Variants in TMEM86A observed in about 807,000 individuals in gnomAD.
TMEM86A encodes lysoplasmalogenase TMEM86A.
TMEM86A carries 13 observed loss-of-function variants against 19.8 expected under a neutral mutation model. The ratio of observed to expected loss-of-function variants is 0.66; its 90% CI spans 0.43 to 1.04. The LOEUF is 1.04. Ranked by LOEUF, TMEM86A falls within the 50% of genes least tolerant of loss-of-function variation. The pLI is 0.00. For synonymous variants in TMEM86A, 128 were observed against 129.9 expected (o/e 0.99, Z 0.10); for missense variants, 248 against 306.8 (o/e 0.81, Z 1.43).
rs1372067865 is a variant in TMEM86A, at chr11:18,703,329, G to A, written c.*1320G>A. 1 of 152,330 alleles carries A rather than the reference G, an allele frequency of 6.6e-6. No individual in the cohort carries two copies. Among genetic ancestry groups the A allele is most frequent in the Non-Finnish European group, 1.5e-5 (1 of 68,134 alleles). The allele number at this position is 152,330 out of a possible 1,614,324, so 9.4% of individuals were successfully genotyped here. ...GAGGATGTGGTTTAGGAGGATGGGG[G>A]ATGAGTGGTATTTGCCACTGTCCAA... On this transcript the variant is annotated 3_prime_UTR_variant, in exon 3 of 3. Transcript: ENST00000280734.
rs1564863526 is a variant in TMEM86A at position 18,701,546 on chromosome 11, A to T, written c.287-27A>T. On this transcript the variant is annotated intron_variant, in intron 2 of 2. Transcript: ENST00000280734. This position sits in a 1 kb window ranked among gnomAD's most constrained non-coding sequence, Gnocchi z 5.3. Reference sequence around the variant, plus strand: ...CTCATTCTTCATCAAGCTTGCCCTCAGCTGCCTTTGCCCCTCTTACCCCCA... The same window carrying T: ...CTCATTCTTCATCAAGCTTGCCCTCTGCTGCCTTTGCCCCTCTTACCCCCA... 1 of 1,530,798 alleles carries T rather than the reference A, an allele frequency of 6.5e-7. No individual in the cohort carries two copies. Among genetic ancestry groups the T allele is most frequent in the Admixed American group, 2.1e-5 (1 of 47,552 alleles). 94.8% of individuals were successfully genotyped at this position (1,530,798 alleles called of 1,614,324 possible). A position where few individuals can be genotyped will look rare whatever the true frequency, so the allele number is the denominator to read the frequency against.
rs1018874160 is a variant in TMEM86A, at chr11:18,698,832, GCGCGTCCTGGC to G, written c.-51_-41del. 1 of 663,322 alleles carries G rather than the reference GCGCGTCCTGGC, an allele frequency of 1.5e-6. No homozygotes were observed. The highest frequency in any genetic ancestry group is 1.9e-5 in the African/African-American group (1 of 53,800). The allele number at this position is 663,322 out of a possible 1,614,324, so 41.1% of individuals were successfully genotyped here. A position where few individuals can be genotyped will look rare whatever the true frequency, so the allele number is the denominator to read the frequency against. ...TCGTCGCCGGCTTACCTGGCCGTGG[GCGCGTCCTGGC>G]CGCTGCAGCCCGGAGCAGGGTGCCA... On this transcript the variant is annotated 5_prime_UTR_variant, in exon 1 of 3. Coordinates refer to ENST00000280734, the MANE Select transcript of TMEM86A (RefSeq NM_153347.3).
At position 18,701,295 on chromosome 11, in the gene TMEM86A, C is replaced by A; in HGVS notation, c.286+98C>A. 1.3e-6 allele frequency: 2 copies of A among 1,495,606 alleles called. No homozygotes were observed. The highest frequency in any genetic ancestry group is 1.8e-6 in the Non-Finnish European group (2 of 1,110,020). 92.6% of individuals were successfully genotyped at this position (1,495,606 alleles called of 1,614,324 possible). On this transcript the variant is annotated intron_variant, in intron 2 of 2. Transcript: ENST00000280734. This position sits in a 1 kb window ranked among gnomAD's most constrained non-coding sequence, Gnocchi z 5.3. ...GATTTGGAAGAGGGAGTTCTTGAACCAGAGTGTGGGGAGCCTGAGGGTTTC... is the reference window on the plus strand; with the variant it reads ...GATTTGGAAGAGGGAGTTCTTGAACAAGAGTGTGGGGAGCCTGAGGGTTTC...
Position 18,699,315 on chromosome 11 carries a change from G to T in TMEM86A, c.21+408G>T, listed in dbSNP as rs1019580336. ...ATAACAGGGACCTCCTGGGAATGCC[G>T]TCCCAAGTTTGTTTCCTAACCTTCC... On this transcript the variant is annotated intron_variant, in intron 1 of 2. Transcript: ENST00000280734. This position sits in a 1 kb window ranked among gnomAD's most constrained non-coding sequence, Gnocchi z 4.0. Among the ~76,000 whole-genome samples, 2 of 152,222 alleles carry T rather than the reference G, an allele frequency of 1.3e-5. No homozygotes were observed. The highest frequency in any genetic ancestry group is 2.9e-5 in the Non-Finnish European group (2 of 68,032).
intron 1 of TMEM86A, 58 bp downstream of exon 1, chr11:18,698,965 C>T (rs907140225): frequency 4.1e-6 from 2 of 492,150 alleles, no homozygotes; most frequent in South Asian, 6.3e-5. Flanking sequence ...CCGGCCTGGC[C>T]ACCGGACTTC....
Position 18,701,565 on chromosome 11 carries a change from AC to A in TMEM86A, c.287-3del, listed in dbSNP as rs778774495. 2.0e-6 allele frequency: 3 copies of A among 1,537,584 alleles called. No homozygotes were observed. Among genetic ancestry groups the A allele is most frequent in the Non-Finnish European group, 2.6e-6 (3 of 1,142,556 alleles). ...GCCCTCAGCTGCCTTTGCCCCTCTT[AC>A]CCCCAGGTCTGCTGATGTTTGCTGT... On this transcript the variant is annotated splice_polypyrimidine_tract_variant and splice_region_variant and intron_variant, in intron 2 of 2. Coordinates refer to ENST00000280734, the MANE Select transcript of TMEM86A (RefSeq NM_153347.3). This position sits in a 1 kb window ranked among gnomAD's most constrained non-coding sequence, Gnocchi z 5.3.
chr11:18,699,072 C>A lies in TMEM86A; in HGVS notation c.21+165C>A, dbSNP rs1848127533. Reference sequence around the variant, plus strand: ...GCGGGCGCTGTCACCGCCCCCCGCTCCTCAGACTCGCGGCGCCCCTCCTCG... The same window carrying A: ...GCGGGCGCTGTCACCGCCCCCCGCTACTCAGACTCGCGGCGCCCCTCCTCG... On this transcript the variant is annotated intron_variant, in intron 1 of 2. Transcript: ENST00000280734. This position sits in a 1 kb window ranked among gnomAD's most constrained non-coding sequence, Gnocchi z 4.0. Among the ~76,000 whole-genome samples the A allele has an allele frequency of 6.6e-6, 1 of 151,956 alleles. No homozygotes were observed. The highest frequency in any genetic ancestry group is 2.4e-5 in the African/African-American group (1 of 41,414).
chr11:18,701,932 G>A lies in TMEM86A; in HGVS notation c.646G>A (p.Ala216Thr). The change falls in exon 3 of 3, where the codon GCC (alanine) becomes ACC (threonine). Residue 216 changes from alanine to threonine, a missense_variant. Transcript: ENST00000280734. The surrounding 1 kb of genome is among the most constrained non-coding windows in gnomAD (Gnocchi z 5.3). ...GCTTATCATGTCCACCTACTATGTG[G>A]CCCAGATGCTCGTCGCCTTGTCAGC... is the stretch of plus-strand genomic sequence containing the variant. Reference protein sequence around the residue: ...RALIMSTYYVAQMLVALSAVE... With the variant: ...RALIMSTYYVTQMLVALSAVE... 1 of 1,613,722 alleles carries A rather than the reference G, an allele frequency of 6.2e-7. No homozygotes were observed. Among genetic ancestry groups the A allele is most frequent in the Non-Finnish European group, 8.5e-7 (1 of 1,180,048 alleles).
At position 18,698,810 on chromosome 11, in the gene TMEM86A, T is replaced by C. The variant is rs1848124341; in HGVS notation, c.-77T>C. 11 of 652,576 alleles carry C rather than the reference T, an allele frequency of 1.7e-5. No individual in the cohort carries two copies. In the South Asian group the frequency reaches 1.7e-4, roughly 10 times the overall value. 40.4% of individuals were successfully genotyped at this position (652,576 alleles called of 1,614,324 possible). On this transcript the variant is annotated 5_prime_UTR_variant, in exon 1 of 3. Coordinates refer to ENST00000280734, the MANE Select transcript of TMEM86A (RefSeq NM_153347.3). ...CGTCCCTCCGGGCTTTGTAGAATCGTCGCCGGCTTACCTGGCCGTGGGCGC... is the reference window on the plus strand; with the variant it reads ...CGTCCCTCCGGGCTTTGTAGAATCGCCGCCGGCTTACCTGGCCGTGGGCGC...
rs971858847 is a variant in TMEM86A at position 18,704,759 on chromosome 11, G to T, written c.*2750G>T. ...TGTACTGTCTCATTTAAGCCTCATA[G>T]TCCTATAAAGAAGATGAGAAAACAG... On this transcript the variant is annotated 3_prime_UTR_variant, in exon 3 of 3. Coordinates refer to ENST00000280734, the MANE Select transcript of TMEM86A (RefSeq NM_153347.3). The T allele has an allele frequency of 1.9e-6, 1 of 516,446 alleles. No individual in the cohort carries two copies. Among genetic ancestry groups the T allele is most frequent in the Non-Finnish European group, 3.5e-6 (1 of 285,324 alleles). The allele number at this position is 516,446 out of a possible 1,614,324, so 32.0% of individuals were successfully genotyped here.
At position 18,702,002 on chromosome 11, in the gene TMEM86A, C is replaced by T. The variant is rs1475687590; in HGVS notation, c.716C>T (p.Ala239Val). The change falls in exon 3 of 3, where the codon GCC (alanine) becomes GTC (valine). Residue 239 changes from alanine (A) to valine (V), a missense_variant. Coordinates refer to ENST00000280734, the MANE Select transcript of TMEM86A (RefSeq NM_153347.3). ...EPVEHYRLTK[A>V]N ...GTGGAACACTACAGACTGACCAAGG[C>T]CAACTGAGGTGCCAGGGTCTGGTCA... 8.1e-6 allele frequency: 13 copies of T among 1,604,760 alleles called. No individual in the cohort carries two copies. The South Asian group carries it at 1.4e-4, about 18-fold the overall frequency.
In TMEM86A at chr11:18,698,923, A is replaced by G; in HGVS notation, c.21+16A>G. 3.1e-6 allele frequency: 2 copies of G among 638,914 alleles called. No individual in the cohort carries two copies. Among genetic ancestry groups the G allele is most frequent in the Non-Finnish European group, 2.8e-6 (1 of 357,210 alleles). The allele number at this position is 638,914 out of a possible 1,614,324, so 39.6% of individuals were successfully genotyped here. On this transcript the variant is annotated intron_variant, in intron 1 of 2. Coordinates refer to ENST00000280734, the MANE Select transcript of TMEM86A (RefSeq NM_153347.3). ...GGTCACTGTGGTGAGTGAGCGAGCG[A>G]GCGAGCCAGTGCCCGGCGCGGCTGG...
Position 18,699,029 on chromosome 11 carries a change from G to T in TMEM86A, c.21+122G>T, listed in dbSNP as rs1012114863. 5 of 374,596 alleles carry T rather than the reference G, an allele frequency of 1.3e-5. No individual in the cohort carries two copies. In the Admixed American group the frequency reaches 2.3e-4, roughly 17 times the overall value. The allele number at this position is 374,596 out of a possible 1,614,324, so 23.2% of individuals were successfully genotyped here. ...GCGGGGCGGGGGTCCCGTGGCGGCC[G>T]GAGTCCCGCGGCGGGAGGCGGGCGC... On this transcript the variant is annotated intron_variant, in intron 1 of 2. Transcript: ENST00000280734. This position sits in a 1 kb window ranked among gnomAD's most constrained non-coding sequence, Gnocchi z 4.0.
intron 1 of TMEM86A, 40 bp from the exon 2 acceptor site, chr11:18,700,893 C>T: frequency 6.2e-7 from 1 of 1,603,488 alleles, no homozygotes. Flanking sequence ...GGCTTTCAAC[C>T]CCCAAGTTCT....
chr11:18,702,181 C>G lies in TMEM86A; in HGVS notation c.*172C>G, dbSNP rs1038044118. 3.0e-6 allele frequency: 2 copies of G among 670,494 alleles called. No homozygotes were observed. Among genetic ancestry groups the G allele is most frequent in the African/African-American group, 3.6e-5 (2 of 55,180 alleles). 41.5% of individuals were successfully genotyped at this position (670,494 alleles called of 1,614,324 possible). On this transcript the variant is annotated 3_prime_UTR_variant, in exon 3 of 3. Transcript: ENST00000280734. ...GGAAAAGGATCTCCCTAGCAGAACT[C>G]GTGGTTCAGGACAATGCTGAGAGCT...
Position 18,702,078 on chromosome 11 carries a change from C to G in TMEM86A, c.*69C>G. The G allele has an allele frequency of 6.5e-7, 1 of 1,534,900 alleles. No homozygotes were observed. The highest frequency in any genetic ancestry group is 8.8e-7 in the Non-Finnish European group (1 of 1,131,464). ...CCCAGATCCTGGGGACCTGCAGGAG[C>G]TGGATCAGGATGGCTGCAGTGCCAG... On this transcript the variant is annotated 3_prime_UTR_variant, in exon 3 of 3. Coordinates refer to ENST00000280734, the MANE Select transcript of TMEM86A (RefSeq NM_153347.3).
rs1848147377 is a variant in TMEM86A, at chr11:18,701,335, G to A, written c.286+138G>A. On this transcript the variant is annotated intron_variant, in intron 2 of 2. Coordinates refer to ENST00000280734, the MANE Select transcript of TMEM86A (RefSeq NM_153347.3). This position sits in a 1 kb window ranked among gnomAD's most constrained non-coding sequence, Gnocchi z 5.3. Reference sequence around the variant, plus strand: ...CTGAGGGTTTCTGAGGCCAGGGACTGTGAGGGTCCTTGTTAGGGGATGACC... The same window carrying A: ...CTGAGGGTTTCTGAGGCCAGGGACTATGAGGGTCCTTGTTAGGGGATGACC... 2.4e-6 allele frequency: 3 copies of A among 1,250,956 alleles called. No homozygotes were observed. The South Asian group carries it at 4.4e-5, about 18-fold the overall frequency. 77.5% of individuals were successfully genotyped at this position (1,250,956 alleles called of 1,614,324 possible).
At chr11:18,700,502 G>A (rs1848140222) in intron 1 of TMEM86A, 2 of 186,322 alleles carry the variant, frequency 1.1e-5, no homozygotes, top group Admixed American at 1.1e-4. Context: ...ACCTGGTGTT[G>A]CCAGGGCCCT....
chr11:18,699,762 G>A lies in TMEM86A; in HGVS notation c.21+855G>A, dbSNP rs1014801419. Reference sequence around the variant, plus strand: ...AGAACAAGGAAAGGCTTGGACCCTGGAACCACCCATCCGCCTCTTCCCAAT... The same window carrying A: ...AGAACAAGGAAAGGCTTGGACCCTGAAACCACCCATCCGCCTCTTCCCAAT... On this transcript the variant is annotated intron_variant, in intron 1 of 2. Transcript: ENST00000280734. The surrounding 1 kb of genome is among the most constrained non-coding windows in gnomAD (Gnocchi z 4.0). The A allele has an allele frequency of 6.6e-6, 1 of 152,460 alleles. No homozygotes were observed. Among genetic ancestry groups the A allele is most frequent in the African/African-American group, 2.4e-5 (1 of 41,446 alleles). The allele number at this position is 152,460 out of a possible 1,614,324, so 9.4% of individuals were successfully genotyped here.
Sources: allele counts gnomAD v4.1 joint callset (sites outside exome capture counted in the v4.1 genomes callset), GRCh38; gene constraint gnomAD v4.1.1; non-coding constraint Gnocchi (gnomAD v3.1); transcripts MANE v1.5; gene names NCBI Gene and HGNC (gene_info 2026-07-23, HGNC 2026-07-21).